Variants in CBX5 observed in about 807,000 individuals in gnomAD.
CBX5 encodes the protein chromobox protein homolog 5.
A neutral mutation model predicts 20.7 loss-of-function variants in CBX5; 7 were observed. That is an observed-to-expected ratio of 0.34 (90% CI 0.19 to 0.63). The LOEUF is 0.63. CBX5 is among the 30% of genes least tolerant of loss of function. CBX5 has a pLI of 0.75. For synonymous variants in CBX5, 78 were observed against 77.0 expected (o/e 1.01, Z -0.07); for missense variants, 110 against 224.1 (o/e 0.49, Z 3.25).
rs994641936 is a variant in CBX5, at chr12:54,267,764, C to T, written c.-42-10072G>A. ...TCTCCTGACCTCGTGTTGTGATCCA[C>T]TCACCCCGGCCTCCCAAAGTGCTGG... On this transcript the variant is annotated intron_variant, in intron 1 of 4. Transcript: ENST00000209875. Among the ~76,000 whole-genome samples the T allele has an allele frequency of 1.3e-3, 198 of 152,194 alleles. 3 individuals are homozygous for T. The highest frequency in any genetic ancestry group is 0.013 in the Admixed American group (197 of 15,284).
rs1943619822 is a variant in CBX5 at position 54,236,160 on chromosome 12, T to A, written c.*5595A>T. On this transcript the variant is annotated 3_prime_UTR_variant, in exon 5 of 5. Transcript: ENST00000209875. Reference sequence around the variant, plus strand: ...CTTCTTACTCCAGGGCTACAAACTATACAACATCAGCCAGTCTGTCTCTGC... The same window carrying A: ...CTTCTTACTCCAGGGCTACAAACTAAACAACATCAGCCAGTCTGTCTCTGC... 1 of 152,258 alleles carries A rather than the reference T, an allele frequency of 6.6e-6. No homozygotes were observed. Among genetic ancestry groups the A allele is most frequent in the African/African-American group, 2.4e-5 (1 of 41,478 alleles). 9.4% of individuals were successfully genotyped at this position (152,258 alleles called of 1,614,324 possible). A position where few individuals can be genotyped will look rare whatever the true frequency, so the allele number is the denominator to read the frequency against.
intron 1 of CBX5, chr12:54,278,887 T>C (rs1185370966): frequency 6.6e-6 from 1 of 151,950 alleles, no homozygotes; most frequent in Non-Finnish European, 1.5e-5. Context: ...AGAAAAGAAA[T>C]ATATGAAAGT....
chr12:54,275,206 C>A (rs535111764), intron 1 of CBX5, among the ~76,000 whole-genome samples: 1 of 152,224 alleles, frequency 6.6e-6, no homozygotes, highest in African/African-American at 2.4e-5. Flanking sequence ...TTAGTAAACA[C>A]CCCTTTTAGA....
intron 1 of CBX5, chr12:54,271,985 AT>A (rs997736747): frequency 6.6e-6 from 1 of 152,226 alleles, no homozygotes; most frequent in African/African-American, 2.4e-5. Flanking sequence ...AATTAGCAGT[AT>A]ATTACCCTCC....
chr12:54,238,828 A>G lies in CBX5; in HGVS notation c.*2927T>C, dbSNP rs1209092518. On this transcript the variant is annotated 3_prime_UTR_variant, in exon 5 of 5. Coordinates refer to ENST00000209875, the MANE Select transcript of CBX5 (RefSeq NM_012117.3). ...GAGATCTTTTAATGTTGATTACTGA[A>G]AGGCTTAGAAAGATGTCTTGAAAGA... 1.3e-5 allele frequency: 2 copies of G among 152,250 alleles called. No homozygotes were observed. The highest frequency in any genetic ancestry group is 2.9e-5 in the Non-Finnish European group (2 of 68,046). 9.4% of individuals were successfully genotyped at this position (152,250 alleles called of 1,614,324 possible).
At chr12:54,274,538 AAT>A (rs1417779433) in intron 1 of CBX5, among the ~76,000 whole-genome samples, 1 of 152,226 alleles carries the variant, frequency 6.6e-6, no homozygotes, top group Non-Finnish European at 1.5e-5. Flanking sequence ...TGGAAATAAA[AAT>A]AATCTAAGTA....
Position 54,235,296 on chromosome 12 carries a change from C to G in CBX5, c.*6459G>C, listed in dbSNP as rs1359111040. The stretch of plus-strand genomic sequence containing the variant: ...TATGTATTTCTGGCAAAGGTTTCCA[C>G]ATAACTGATACAATTCTCTGCTTAG... On this transcript the variant is annotated 3_prime_UTR_variant, in exon 5 of 5. Coordinates refer to ENST00000209875, the MANE Select transcript of CBX5 (RefSeq NM_012117.3). 1 of 152,236 alleles carries G rather than the reference C, an allele frequency of 6.6e-6. No homozygotes were observed. The highest frequency in any genetic ancestry group is 1.5e-5 in the Non-Finnish European group (1 of 68,050). The allele number at this position is 152,236 out of a possible 1,614,324, so 9.4% of individuals were successfully genotyped here.
In CBX5 at chr12:54,233,030, C is replaced by CA. The variant is rs1943583842; in HGVS notation, c.*8724dup. ...TGGTGGCGTGGGAATCCTAGCACCA[C>CA]AAAACACCCTCTTACTACATCACAT... On this transcript the variant is annotated 3_prime_UTR_variant, in exon 5 of 5. Coordinates refer to ENST00000209875, the MANE Select transcript of CBX5 (RefSeq NM_012117.3). The CA allele has an allele frequency of 6.6e-6, 1 of 152,168 alleles. No homozygotes were observed. Among genetic ancestry groups the CA allele is most frequent in the South Asian group, 2.1e-4 (1 of 4,834 alleles). The allele number at this position is 152,168 out of a possible 1,614,324, so 9.4% of individuals were successfully genotyped here.
At chr12:54,276,004 A>C (rs1374786608) in intron 1 of CBX5, among the ~76,000 whole-genome samples, 3 of 152,040 alleles carry the variant, frequency 2.0e-5, no homozygotes, top group African/African-American at 4.8e-5. Context: ...AAAAAAAAAA[A>C]AAAAAACCTA....
rs1269243133 is a variant in CBX5, at chr12:54,235,858, C to T, written c.*5897G>A. On this transcript the variant is annotated 3_prime_UTR_variant, in exon 5 of 5. Transcript: ENST00000209875. ...CCATGAGGAATATGTTGTTATAGAA[C>T]CCACAATAATGTAACACAACTGAAT... 2.0e-5 allele frequency: 3 copies of T among 152,174 alleles called. No individual in the cohort carries two copies. The highest frequency in any genetic ancestry group is 2.9e-5 in the Non-Finnish European group (2 of 68,044). 9.4% of individuals were successfully genotyped at this position (152,174 alleles called of 1,614,324 possible). A position where few individuals can be genotyped will look rare whatever the true frequency, so the allele number is the denominator to read the frequency against.
intron 1 of CBX5, chr12:54,272,004 CCT>C (rs1364237707): frequency 6.6e-6 from 1 of 152,122 alleles, no homozygotes; most frequent in East Asian, 1.9e-4. Flanking sequence ...TCCACAACTC[CCT>C]GTGAGGTGAG....
At chr12:54,265,464 T>C (rs1943948111) in intron 1 of CBX5, among the ~76,000 whole-genome samples, 1 of 152,232 alleles carries the variant, frequency 6.6e-6, no homozygotes, top group Non-Finnish European at 1.5e-5. Flanking sequence ...ACATTACAGC[T>C]GTCCTGGCTG....
chr12:54,275,387 G>A (rs572991732), intron 1 of CBX5, among the ~76,000 whole-genome samples: 12 of 152,002 alleles, frequency 7.9e-5, no homozygotes, highest in Non-Finnish European at 1.3e-4. Flanking sequence ...GGCTACAGGC[G>A]TGTGCCACCA....
chr12:54,260,108 G>C (rs1943901733), intron 1 of CBX5, among the ~76,000 whole-genome samples: 1 of 150,982 alleles, frequency 6.6e-6, no homozygotes, highest in Non-Finnish European at 1.5e-5. Context: ...CTTCTTTGGG[G>C]GGATTACTAG....
chr12:54,257,369 T>C (rs1943870757), intron 2 of CBX5, 145 bp downstream of exon 2: 1 of 722,596 alleles, frequency 1.4e-6, no homozygotes, highest in East Asian at 2.6e-5. Context: ...GAGATTTTGT[T>C]TTCTTTACTG....
intron 4 of CBX5, among the ~76,000 whole-genome samples, chr12:54,244,294 G>A (rs1943710501): frequency 6.6e-6 from 1 of 151,638 alleles, no homozygotes; most frequent in Non-Finnish European, 1.5e-5. Context: ...TTACAGACGT[G>A]AGCCACCACG....
chr12:54,253,215 G>A (rs958158345), intron 2 of CBX5, among the ~76,000 whole-genome samples: 26 of 151,866 alleles, frequency 1.7e-4, no homozygotes, highest in Non-Finnish European at 2.8e-4. Flanking sequence ...AGGAGTTCGA[G>A]ACCAGCCTGG....
chr12:54,243,221 G>A (rs1943696732), intron 4 of CBX5, among the ~76,000 whole-genome samples: 1 of 152,122 alleles, frequency 6.6e-6, no homozygotes, highest in Non-Finnish European at 1.5e-5. Flanking sequence ...TTTGGACTAT[G>A]GTGGAAAAAG....
At chr12:54,246,078 G>T in intron 4 of CBX5, 37 bp downstream of exon 4, 1 of 1,408,882 alleles carries the variant, frequency 7.1e-7, no homozygotes, top group Non-Finnish European at 1.0e-6. Flanking sequence ...CACTGGCAAA[G>T]AAACACAATT....
Sources: allele counts gnomAD v4.1 joint callset (sites outside exome capture counted in the v4.1 genomes callset), GRCh38; gene constraint gnomAD v4.1.1; transcripts MANE v1.5; gene names NCBI Gene and HGNC (gene_info 2026-07-23, HGNC 2026-07-21).